The following CRTAC1 variants were observed in gnomAD, a reference collection of about 807,000 sequenced individuals.
CRTAC1 encodes cartilage acidic protein 1.
CRTAC1 carries 37 observed loss-of-function variants against 67.8 expected under a neutral mutation model. The ratio of observed to expected loss-of-function variants is 0.55; its 90% CI spans 0.42 to 0.72. CRTAC1 has a LOEUF of 0.72. CRTAC1 is among the 30% of genes least tolerant of loss of function. The probability of loss-of-function intolerance (pLI) is 0.00; values close to 1 mark genes in which losing one functional copy is unlikely to be tolerated. For synonymous variants in CRTAC1, 348 were observed against 371.0 expected, an observed-to-expected ratio of 0.94 and a Z score of 0.71; for missense variants, 780 against 931.6, an observed-to-expected ratio of 0.84 and a Z score of 2.12.
At chr10:97,920,870 T>C (rs896261185) in intron 4 of CRTAC1, among the ~76,000 whole-genome samples, 24 of 152,362 alleles carry the variant, frequency 1.6e-4, no homozygotes, top group African/African-American at 5.5e-4. Context: ...ATAATCATTA[T>C]TGATCAGAGG....
rs2051791100 is a variant in CRTAC1, at chr10:97,975,824, G to A, written c.224+35314C>T. 6.6e-6 allele frequency among the ~76,000 whole-genome samples: 1 copy of A among 152,216 alleles called. No homozygotes were observed. Among genetic ancestry groups the A allele is most frequent in the Non-Finnish European group, 1.5e-5 (1 of 68,020 alleles). The stretch of plus-strand genomic sequence containing the variant: ...CCTGCCAGGGAAGCTACGCACACTC[G>A]GTGAGCGTGCTCCTGGGCCCCCAAT... On this transcript the variant is annotated intron_variant, in intron 2 of 14. Coordinates refer to ENST00000370597, the MANE Select transcript of CRTAC1 (RefSeq NM_018058.7). The surrounding 1 kb of genome is among the most constrained non-coding windows in gnomAD (Gnocchi z 4.8).
intron 2 of CRTAC1, among the ~76,000 whole-genome samples, chr10:97,942,001 C>G (rs1056946101): frequency 1.3e-5 from 2 of 152,176 alleles, no homozygotes; most frequent in Non-Finnish European, 2.9e-5. Context: ...CAACCCAGCA[C>G]TCTCTTGCAG....
intron 11 of CRTAC1, among the ~76,000 whole-genome samples, chr10:97,891,489 G>A (rs891289290): frequency 2.6e-5 from 4 of 152,168 alleles, no homozygotes; most frequent in Non-Finnish European, 4.4e-5. Context: ...GATTTCTCTC[G>A]CCTGAGTCCT....
chr10:97,968,174 G>T (rs1414183659), intron 2 of CRTAC1, among the ~76,000 whole-genome samples: 1 of 152,238 alleles, frequency 6.6e-6, no homozygotes, highest in East Asian at 1.9e-4. Flanking sequence ...ACTTGCCAAG[G>T]TGTTGACATC....
At chr10:97,882,410 A>G (rs1405521918) in intron 13 of CRTAC1, among the ~76,000 whole-genome samples, 1 of 152,160 alleles carries the variant, frequency 6.6e-6, no homozygotes, top group Non-Finnish European at 1.5e-5. Context: ...GCCCTTGGCA[A>G]TGCACACCCT....
intron 1 of CRTAC1, among the ~76,000 whole-genome samples, chr10:98,020,594 C>T (rs1843096617): frequency 6.6e-6 from 1 of 152,212 alleles, no homozygotes; most frequent in African/African-American, 2.4e-5. Context: ...GATGGGAGCA[C>T]AGTGAAAGGA....
chr10:97,869,171 A>T (rs2050062689), intron 14 of CRTAC1: 1 of 152,220 alleles, frequency 6.6e-6, no homozygotes, highest in East Asian at 1.9e-4. Context: ...AAGGACTTGG[A>T]GCCATGCCTG....
intron 11 of CRTAC1, among the ~76,000 whole-genome samples, chr10:97,886,441 A>G (rs1224146825): frequency 3.3e-5 from 5 of 152,200 alleles, no homozygotes; most frequent in Non-Finnish European, 7.3e-5. Flanking sequence ...GCTCATCCTC[A>G]CACACTGAGT....
intron 2 of CRTAC1, among the ~76,000 whole-genome samples, chr10:97,938,108 C>T (rs937907019): frequency 7.9e-5 from 12 of 152,186 alleles, no homozygotes; most frequent in African/African-American, 2.9e-4. Context: ...AGATGGAGCT[C>T]CCTGGGGGCT....
intron 3 of CRTAC1, among the ~76,000 whole-genome samples, chr10:97,931,294 A>G (rs2051000273): frequency 6.6e-6 from 1 of 152,218 alleles, no homozygotes; most frequent in Admixed American, 6.5e-5. Context: ...TGGCTATGAA[A>G]ACTACACATG....
intron 8 of CRTAC1, 132 bp downstream of exon 8, chr10:97,901,371 G>A: frequency 1.0e-6 from 1 of 994,306 alleles, no homozygotes; most frequent in Non-Finnish European, 1.5e-6. Context: ...TTCATCAGGG[G>A]ACCTGTGTTG....
chr10:97,875,469 G>A (rs2050136538), intron 14 of CRTAC1, among the ~76,000 whole-genome samples: 2 of 152,196 alleles, frequency 1.3e-5, no homozygotes, highest in Admixed American at 1.3e-4. Context: ...GGGAGAGGCT[G>A]GCGTCATCTG....
At chr10:97,926,290 A>T (rs992872797) in intron 3 of CRTAC1, among the ~76,000 whole-genome samples, 1 of 152,180 alleles carries the variant, frequency 6.6e-6, no homozygotes, top group Non-Finnish European at 1.5e-5. Flanking sequence ...GTCGCATCCC[A>T]CATCTGAGGC....
intron 14 of CRTAC1, chr10:97,868,935 A>C (rs545966456): frequency 6.6e-6 from 1 of 152,328 alleles, no homozygotes; most frequent in East Asian, 1.9e-4. Context: ...TTAGTCATTC[A>C]ATTCTCACAG....
chr10:98,024,033 A>G (rs551140849), intron 1 of CRTAC1, among the ~76,000 whole-genome samples: 1 of 152,222 alleles, frequency 6.6e-6, no homozygotes, highest in Non-Finnish European at 1.5e-5. Context: ...GCACAACATG[A>G]TGCTTCCTTT....
intron 2 of CRTAC1, among the ~76,000 whole-genome samples, chr10:97,950,004 T>C (rs1186726774): frequency 6.6e-6 from 1 of 152,208 alleles, no homozygotes; most frequent in Non-Finnish European, 1.5e-5. Flanking sequence ...TGAATTACTG[T>C]TATTACCTGT....
chr10:97,912,602 G>C (rs1315973831), intron 5 of CRTAC1, among the ~76,000 whole-genome samples: 1 of 152,190 alleles, frequency 6.6e-6, no homozygotes, highest in Admixed American at 6.5e-5. Context: ...TCAGGGACTG[G>C]GGGGTGAGAC....
At chr10:98,014,039 G>A (rs1031954642) in intron 1 of CRTAC1, among the ~76,000 whole-genome samples, 1 of 152,234 alleles carries the variant, frequency 6.6e-6, no homozygotes, top group African/African-American at 2.4e-5. Flanking sequence ...AAAAGTCAGG[G>A]ATAAGCAGTG....
At chr10:97,904,865 C>A in intron 6 of CRTAC1, 51 bp from the exon 7 acceptor site, 1 of 1,525,300 alleles carries the variant, frequency 6.6e-7, no homozygotes, top group South Asian at 1.3e-5. Context: ...GCACACTCCA[C>A]AAACACTCAC....
Sources: allele counts gnomAD v4.1 joint callset (sites outside exome capture counted in the v4.1 genomes callset), GRCh38; gene constraint gnomAD v4.1.1; non-coding constraint Gnocchi (gnomAD v3.1); transcripts MANE v1.5; gene names NCBI Gene and HGNC (gene_info 2026-07-23, HGNC 2026-07-21).